LPAR3: variants seen among roughly 807,000 people sequenced by gnomAD.
The protein encoded by LPAR3 is lysophosphatidic acid receptor 3, also known as LPA receptor 3.
LPAR3 carries 7 observed loss-of-function variants against 17.8 expected under a neutral mutation model. The observed-to-expected ratio is 0.39, with a 90% CI of 0.22 to 0.74. The LOEUF (loss-of-function observed/expected upper bound fraction) is 0.74, where lower values mean the gene tolerates loss of function less well. LPAR3 is among the 30% of genes least tolerant of loss of function. The pLI is 0.40. For synonymous variants in LPAR3, 179 were observed against 179.9 expected (o/e 0.99, Z 0.04); for missense variants, 391 against 453.4 (o/e 0.86, Z 1.25).
chr1:84,847,905 C>G (rs1312136666), intron 2 of LPAR3, among the ~76,000 whole-genome samples: 5 of 152,220 alleles, frequency 3.3e-5, no homozygotes, highest in Non-Finnish European at 7.3e-5. Flanking sequence ...CTGTGGTCCC[C>G]GAATCTCCTG....
At chr1:84,855,909 C>G (rs1186426295) in intron 2 of LPAR3, among the ~76,000 whole-genome samples, 1 of 152,136 alleles carries the variant, frequency 6.6e-6, no homozygotes, top group African/African-American at 2.4e-5. Flanking sequence ...GAAGAGGTGT[C>G]AAGATGGCAT....
chr1:84,860,652 T>C (rs1278477444), intron 2 of LPAR3, among the ~76,000 whole-genome samples: 1 of 152,152 alleles, frequency 6.6e-6, no homozygotes, highest in Non-Finnish European at 1.5e-5. Flanking sequence ...TTAGATACTG[T>C]TTAATAGACA....
chr1:84,835,866 C>T (rs952368098), intron 2 of LPAR3, among the ~76,000 whole-genome samples: 6 of 152,074 alleles, frequency 3.9e-5, no homozygotes, highest in African/African-American at 1.2e-4. Context: ...TTATCAAAGG[C>T]CTTCTGGACA....
intron 2 of LPAR3, among the ~76,000 whole-genome samples, chr1:84,841,667 CTCAA>C (rs1659507561): frequency 6.6e-6 from 1 of 152,216 alleles, no homozygotes; most frequent in African/African-American, 2.4e-5. Context: ...GCACACCCCT[CTCAA>C]TCAAACTCCC....
At chr1:84,859,721 C>T (rs1043096380) in intron 2 of LPAR3, among the ~76,000 whole-genome samples, 5 of 152,212 alleles carry the variant, frequency 3.3e-5, no homozygotes, top group Non-Finnish European at 7.3e-5. Flanking sequence ...AAAAACATCA[C>T]TAAAGGACAG....
intron 2 of LPAR3, among the ~76,000 whole-genome samples, chr1:84,825,547 T>C (rs1275201588): frequency 6.6e-6 from 1 of 152,204 alleles, no homozygotes; most frequent in Non-Finnish European, 1.5e-5. Context: ...ATCTCTCTGG[T>C]TGGGCATTAT....
chr1:84,850,979 C>T (rs1659695869), intron 2 of LPAR3, among the ~76,000 whole-genome samples: 1 of 152,232 alleles, frequency 6.6e-6, no homozygotes, highest in African/African-American at 2.4e-5. Context: ...GAGATGGTGG[C>T]TCCCAGCACT....
At chr1:84,870,804 A>T (rs1660145068) in intron 1 of LPAR3, among the ~76,000 whole-genome samples, 1 of 152,188 alleles carries the variant, frequency 6.6e-6, no homozygotes, top group African/African-American at 2.4e-5. Flanking sequence ...TACAGCCTGC[A>T]TTCTTATCTG....
intron 2 of LPAR3, among the ~76,000 whole-genome samples, chr1:84,839,484 G>A (rs749287178): frequency 6.6e-6 from 1 of 152,036 alleles, no homozygotes; most frequent in Non-Finnish European, 1.5e-5. Flanking sequence ...GACCAGCCTG[G>A]GAAACATAAT....
chr1:84,854,647 G>C (rs190012052), intron 2 of LPAR3, among the ~76,000 whole-genome samples: 1 of 152,280 alleles, frequency 6.6e-6, no homozygotes, highest in African/African-American at 2.4e-5. Context: ...CTCATAGTTA[G>C]TACACTGCCT....
intron 2 of LPAR3, among the ~76,000 whole-genome samples, chr1:84,838,246 T>A (rs1341509501): frequency 6.6e-6 from 1 of 152,160 alleles, no homozygotes; most frequent in Non-Finnish European, 1.5e-5. Flanking sequence ...CTAGCCTCTG[T>A]GCATGAATGC....
At chr1:84,874,943 AG>A (rs1388860065) in intron 1 of LPAR3, among the ~76,000 whole-genome samples, 1 of 147,650 alleles carries the variant, frequency 6.8e-6, no homozygotes, top group African/African-American at 2.5e-5. Flanking sequence ...TCTGTCACCC[AG>A]GCTGGAGTGC....
intron 1 of LPAR3, among the ~76,000 whole-genome samples, chr1:84,871,044 T>G (rs1390457722): frequency 6.6e-6 from 1 of 152,214 alleles, no homozygotes; most frequent in East Asian, 1.9e-4. Flanking sequence ...ACTTTTATGG[T>G]AAGTAGGATA....
chr1:84,835,424 C>T (rs1359524101), intron 2 of LPAR3, among the ~76,000 whole-genome samples: 2 of 152,102 alleles, frequency 1.3e-5, no homozygotes, highest in Non-Finnish European at 2.9e-5. Context: ...TCTTACTCAT[C>T]TTTGTGGAGT....
chr1:84,882,540 G>A (rs964595352), intron 1 of LPAR3, among the ~76,000 whole-genome samples: 2 of 152,066 alleles, frequency 1.3e-5, no homozygotes, highest in Admixed American at 1.3e-4. Context: ...ACAATCATAA[G>A]AAAGAAGAAC....
intron 2 of LPAR3, among the ~76,000 whole-genome samples, chr1:84,838,803 C>T (rs530214242): frequency 6.6e-6 from 1 of 152,282 alleles, no homozygotes; most frequent in South Asian, 2.1e-4. Context: ...CATGACTTCT[C>T]CCCGACTGAC....
At chr1:84,820,470 T>C (rs1490917279) in intron 2 of LPAR3, among the ~76,000 whole-genome samples, 2 of 152,184 alleles carry the variant, frequency 1.3e-5, no homozygotes, top group African/African-American at 4.8e-5. Context: ...GAGCTGGTGC[T>C]GAAGGGCAAG....
chr1:84,848,501 C>A (rs552623969), intron 2 of LPAR3, among the ~76,000 whole-genome samples: 5 of 152,300 alleles, frequency 3.3e-5, no homozygotes, highest in Non-Finnish European at 5.9e-5. Flanking sequence ...TCCAGGCTCA[C>A]CCAAAAGCTA....
intron 2 of LPAR3, among the ~76,000 whole-genome samples, chr1:84,836,033 T>C (rs1012525652): frequency 7.0e-6 from 1 of 143,224 alleles, no homozygotes; most frequent in Non-Finnish European, 1.5e-5. Context: ...TTTTTTTTTT[T>C]ACTTAGAAAC....
Sources: gnomAD v4.1 joint callset for allele counts (sites outside exome capture counted in the v4.1 genomes callset) on GRCh38, gnomAD v4.1.1 for gene constraint, MANE v1.5 for transcripts, NCBI Gene and HGNC (gene_info 2026-07-23, HGNC 2026-07-21) for gene names.